The following ZNF804B variants were observed in gnomAD, a reference collection of about 807,000 sequenced individuals.
ZNF804B encodes the protein zinc finger 804B.
Under a neutral mutation model 101.4 loss-of-function variants are expected in ZNF804B, and 80 were observed. The observed-to-expected ratio is 0.79, with a 90% CI of 0.66 to 0.95. The LOEUF (loss-of-function observed/expected upper bound fraction) is 0.95, where lower values mean the gene tolerates loss of function less well. Ranked by LOEUF, ZNF804B falls within the 40% of genes least tolerant of loss-of-function variation. The probability of loss-of-function intolerance (pLI) is 0.00; values close to 1 mark genes in which losing one functional copy is unlikely to be tolerated. For synonymous variants in ZNF804B, 622 were observed against 558.8 expected (o/e 1.11, Z -1.59); for missense variants, 1,673 against 1,561.9 (o/e 1.07, Z -1.20).
intron 2 of ZNF804B, among the ~76,000 whole-genome samples, chr7:89,236,573 A>C (rs553002923): frequency 1.1e-4 from 16 of 152,278 alleles, no homozygotes; most frequent in African/African-American, 3.8e-4. Flanking sequence ...CATTTAGTGT[A>C]ATTAGAAATT....
At chr7:88,826,150 A>G (rs1316536332) in intron 1 of ZNF804B, among the ~76,000 whole-genome samples, 2 of 152,208 alleles carry the variant, frequency 1.3e-5, no homozygotes, top group African/African-American at 4.8e-5. Flanking sequence ...GAATTGTCTG[A>G]AAAACATTGT....
At chr7:88,844,275 A>G (rs1791336506) in intron 1 of ZNF804B, among the ~76,000 whole-genome samples, 1 of 152,186 alleles carries the variant, frequency 6.6e-6, no homozygotes, top group Non-Finnish European at 1.5e-5. Context: ...CAGTTTCACT[A>G]ATTAACCATG....
chr7:89,209,359 C>T (rs1402086201), intron 1 of ZNF804B, among the ~76,000 whole-genome samples: 1 of 152,136 alleles, frequency 6.6e-6, no homozygotes, highest in Non-Finnish European at 1.5e-5. Context: ...CACACCTTAC[C>T]TGGGCATTGA....
chr7:89,053,602 T>C (rs1789242354), intron 1 of ZNF804B, among the ~76,000 whole-genome samples: 1 of 152,088 alleles, frequency 6.6e-6, no homozygotes, highest in Non-Finnish European at 1.5e-5. Flanking sequence ...TTGATTGTTT[T>C]TGGCTATAGT....
At chr7:88,925,460 T>C (rs1792782701) in intron 1 of ZNF804B, among the ~76,000 whole-genome samples, 1 of 152,116 alleles carries the variant, frequency 6.6e-6, no homozygotes, top group South Asian at 2.1e-4. Flanking sequence ...AGTGTACTTA[T>C]AAAAATAGAA....
chr7:89,261,236 G>C (rs954843704), intron 2 of ZNF804B, among the ~76,000 whole-genome samples: 1 of 152,060 alleles, frequency 6.6e-6, no homozygotes, highest in Non-Finnish European at 1.5e-5. Context: ...TAATCCATTT[G>C]TATGTATAAG....
intron 1 of ZNF804B, among the ~76,000 whole-genome samples, chr7:88,775,733 C>G (rs1790131844): frequency 6.6e-6 from 1 of 152,162 alleles, no homozygotes; most frequent in African/African-American, 2.4e-5. Flanking sequence ...ACAGACGAGG[C>G]AACTCTCCTC....
chr7:89,162,132 G>T (rs944130178), intron 1 of ZNF804B, among the ~76,000 whole-genome samples: 2 of 96,532 alleles, frequency 2.1e-5, no homozygotes, highest in Non-Finnish European at 5.2e-5. Context: ...TTTCAGGGGC[G>T]GGGGGAAGTC....
intron 1 of ZNF804B, among the ~76,000 whole-genome samples, chr7:88,990,783 C>A (rs976422778): frequency 3.3e-5 from 5 of 152,082 alleles, no homozygotes; most frequent in Admixed American, 1.3e-4. Context: ...ACCTTTGTTT[C>A]TACTCATCTT....
chr7:89,123,407 T>G (rs1022421615), intron 1 of ZNF804B, among the ~76,000 whole-genome samples: 2 of 152,184 alleles, frequency 1.3e-5, no homozygotes, highest in Non-Finnish European at 2.9e-5. Context: ...AATGATCAGA[T>G]GTATTACAGA....
chr7:88,877,061 T>A (rs1355927500), intron 1 of ZNF804B, among the ~76,000 whole-genome samples: 31 of 64,582 alleles, frequency 4.8e-4, no homozygotes, highest in African/African-American at 2.1e-3. Context: ...TTTTTTTTTT[T>A]TTTTTTTTTT....
At chr7:89,277,585 T>C (rs934791688) in intron 2 of ZNF804B, among the ~76,000 whole-genome samples, 12 of 147,482 alleles carry the variant, frequency 8.1e-5, no homozygotes, top group Non-Finnish European at 1.3e-4. Flanking sequence ...CACCTATGAG[T>C]GAGAATATGC....
chr7:89,090,072 G>A (rs183493426), intron 1 of ZNF804B, among the ~76,000 whole-genome samples: 2 of 152,138 alleles, frequency 1.3e-5, no homozygotes, highest in East Asian at 1.9e-4. Flanking sequence ...AAGCACAAAG[G>A]ATATTCTTAG....
intron 2 of ZNF804B, among the ~76,000 whole-genome samples, chr7:89,265,571 A>G (rs1448058091): frequency 6.6e-6 from 1 of 152,260 alleles, no homozygotes; most frequent in Non-Finnish European, 1.5e-5. Flanking sequence ...ACAGAAGGAT[A>G]GTAAAATCTC....
intron 1 of ZNF804B, among the ~76,000 whole-genome samples, chr7:89,070,994 GT>G (rs1194486720): frequency 6.6e-6 from 1 of 152,052 alleles, no homozygotes; most frequent in African/African-American, 2.4e-5. Context: ...AGATGCTCAA[GT>G]CTCCCATATA....
At chr7:89,210,308 A>T (rs954948279) in intron 1 of ZNF804B, among the ~76,000 whole-genome samples, 3 of 152,188 alleles carry the variant, frequency 2.0e-5, no homozygotes, top group Admixed American at 6.5e-5. Context: ...AACCCTAATT[A>T]TGCAAAGAAA....
chr7:89,218,164 G>A lies in ZNF804B; in HGVS notation c.118G>A (p.Glu40Lys). Residue 40 changes from glutamate to lysine, a missense_variant, in exon 2 of 4, where the codon GAA becomes AAA. Glu to Lys is a moderately conservative substitution (Grantham distance 56, BLOSUM62 1). Coordinates refer to ENST00000333190, the MANE Select transcript of ZNF804B (RefSeq NM_181646.5). ...KNGSPSPDFA[E>K]KKSTAKALED... ...GTATTTTTTCTTAAAGGATTTTGCA[G>A]AAAAGAAGTCCACAGCAAAGGCCCT... The A allele has an allele frequency of 6.2e-7, 1 of 1,611,604 alleles. No individual in the cohort carries two copies. The highest frequency in any genetic ancestry group is 8.5e-7 in the Non-Finnish European group (1 of 1,179,260).
chr7:89,077,732 A>T (rs11975088), intron 1 of ZNF804B, among the ~76,000 whole-genome samples: 1 of 151,918 alleles, frequency 6.6e-6, no homozygotes, highest in South Asian at 2.1e-4. Flanking sequence ...AAAAGATGTT[A>T]TATTAGCTTC....
chr7:89,141,828 T>A (rs1422075906), intron 1 of ZNF804B, among the ~76,000 whole-genome samples: 1 of 151,444 alleles, frequency 6.6e-6, no homozygotes, highest in Non-Finnish European at 1.5e-5. Flanking sequence ...CACAGCAATA[T>A]CTAGGAGGGG....
Sources: allele counts gnomAD v4.1 joint callset (sites outside exome capture counted in the v4.1 genomes callset), GRCh38; gene constraint gnomAD v4.1.1; transcripts MANE v1.5; gene names NCBI Gene and HGNC (gene_info 2026-07-23, HGNC 2026-07-21).